The following NRP2 variants were observed in gnomAD, a reference collection of about 807,000 sequenced individuals.
The protein encoded by NRP2 is neuropilin 2.
NRP2 carries 52 observed loss-of-function variants against 110.4 expected under a neutral mutation model. That is an observed-to-expected ratio of 0.47 (90% CI 0.38 to 0.59). NRP2 has a LOEUF of 0.59. Among genes scored for constraint, NRP2 ranks in the 20% least tolerant of loss-of-function variants. The probability of loss-of-function intolerance (pLI) is 0.00; values close to 1 mark genes in which losing one functional copy is unlikely to be tolerated. For synonymous variants in NRP2, 508 were observed against 468.9 expected, an observed-to-expected ratio of 1.08 and a Z score of -1.08; for missense variants, 1,049 against 1,203.0, an observed-to-expected ratio of 0.87 and a Z score of 1.89.
At chr2:205,775,425 G>A (rs1416378016) in intron 15 of NRP2, among the ~76,000 whole-genome samples, 1 of 152,122 alleles carries the variant, frequency 6.6e-6, no homozygotes, top group South Asian at 2.1e-4. Flanking sequence ...TGTCTTTTCT[G>A]TCATTAAGAA....
chr2:205,760,304 G>A (rs1051858093), intron 12 of NRP2, among the ~76,000 whole-genome samples: 6 of 152,094 alleles, frequency 3.9e-5, no homozygotes, highest in Non-Finnish European at 7.4e-5. Context: ...AGTGACAGGC[G>A]CTTTGCAGCT....
At chr2:205,701,920 G>A (rs1345201183) in intron 2 of NRP2, among the ~76,000 whole-genome samples, 3 of 152,156 alleles carry the variant, frequency 2.0e-5, no homozygotes, top group Non-Finnish European at 2.9e-5. Flanking sequence ...AATGATTCAG[G>A]CTTTTAATTC....
intron 13 of NRP2, 100 bp from the exon 14 acceptor site, chr2:205,765,374 A>C: frequency 1.1e-6 from 1 of 944,686 alleles, no homozygotes; most frequent in Admixed American, 1.7e-5. Context: ...ACACATACAC[A>C]CACACGCTTT....
Position 205,743,282 on chromosome 2 carries a change from A to G in NRP2, c.1371A>G (p.Glu457=), listed in dbSNP as rs752624992. 5 of 1,614,084 alleles carry G rather than the reference A, an allele frequency of 3.1e-6. No homozygotes were observed. Among genetic ancestry groups the G allele is most frequent in the Non-Finnish European group, 4.2e-6 (5 of 1,179,962 alleles). ...AGATCTCCGCCTCTTCCACCCAGGAATACCTCTGGAGCCCCAGTGCAGCCC... is the reference window on the plus strand; with the variant it reads ...AGATCTCCGCCTCTTCCACCCAGGAGTACCTCTGGAGCCCCAGTGCAGCCC... The part of the protein sequence containing the change: ...DSQISASSTQ[E]YLWSPSAARL... The change falls in exon 9 of 17, where the codon GAA becomes GAG. Residue 457 remains glutamate (E), a synonymous_variant. Transcript: ENST00000357785.
At position 205,690,329 on chromosome 2, in the gene NRP2, TAGTC is replaced by T. The variant is rs10592655; in HGVS notation, c.73+6969_73+6972del. ...AACAAATGGCTTAGTGATGAAGTAA[TAGTC>T]AGCATCTTCCTGGTGGTACAGATAA... On this transcript the variant is annotated intron_variant, in intron 1 of 16. Coordinates refer to ENST00000357785, the MANE Select transcript of NRP2 (RefSeq NM_003872.3). 4.3e-3 allele frequency among the ~76,000 whole-genome samples: 652 copies of T among 152,228 alleles called. 5 individuals carry two copies. Among genetic ancestry groups the T allele is most frequent in the African/African-American group, 0.015 (610 of 41,510 alleles).
chr2:205,789,352 G>A (rs765672561), intron 15 of NRP2, among the ~76,000 whole-genome samples: 10 of 152,212 alleles, frequency 6.6e-5, no homozygotes, highest in Non-Finnish European at 1.5e-4. Context: ...CGGAACTCGT[G>A]TGGGTGGTAA....
chr2:205,706,486 G>C (rs559836959), intron 2 of NRP2, among the ~76,000 whole-genome samples: 1 of 152,180 alleles, frequency 6.6e-6, no homozygotes, highest in Non-Finnish European at 1.5e-5. Context: ...TCTCAAAGTA[G>C]GAGGTTTCGT....
Position 205,697,740 on chromosome 2 carries a change from C to T in NRP2, c.251+19C>T. The T allele has an allele frequency of 1.2e-6, 2 of 1,612,860 alleles. No homozygotes were observed. The highest frequency in any genetic ancestry group is 1.7e-6 in the Non-Finnish European group (2 of 1,179,072). On this transcript the variant is annotated intron_variant, in intron 2 of 16. Coordinates refer to ENST00000357785, the MANE Select transcript of NRP2 (RefSeq NM_003872.3). ...ACTGCAAGTAAGCACCGTCCTGTCCCACTGTGTATCCCATCCATGAGATGC... is the reference window on the plus strand; with the variant it reads ...ACTGCAAGTAAGCACCGTCCTGTCCTACTGTGTATCCCATCCATGAGATGC...
chr2:205,768,334 A>C (rs757924077), intron 15 of NRP2: 2 of 152,252 alleles, frequency 1.3e-5, no homozygotes, highest in African/African-American at 2.4e-5. Flanking sequence ...TTCAGGACCC[A>C]AGGTAATGCT....
rs1559326187 is a variant in NRP2 at position 205,722,165 on chromosome 2, T to TA, written c.434-313_434-312insA. On this transcript the variant is annotated intron_variant, in intron 3 of 16. Coordinates refer to ENST00000357785, the MANE Select transcript of NRP2 (RefSeq NM_003872.3). ...GAATCCCTCTCTCTCTCTCTCTCTC[T>TA]CTCTCATACACACACACACACACAC... The TA allele has an allele frequency of 8.7e-4, 293 of 337,570 alleles. 1 individual carries two copies. The highest frequency in any genetic ancestry group is 6.4e-3 in the African/African-American group (273 of 42,984). The allele number at this position is 337,570 out of a possible 1,614,324, so 20.9% of individuals were successfully genotyped here.
chr2:205,703,507 T>C (rs560762893), intron 2 of NRP2, among the ~76,000 whole-genome samples: 6 of 152,234 alleles, frequency 3.9e-5, no homozygotes, highest in Admixed American at 3.3e-4. Flanking sequence ...CAGAGAAGGG[T>C]TTTGAAGCCA....
In NRP2 at chr2:205,752,122, G is replaced by T. The variant is rs367635445; in HGVS notation, c.1904-713G>T. 1.3e-4 allele frequency among the ~76,000 whole-genome samples: 20 copies of T among 152,148 alleles called. 1 individual carries two copies. The South Asian group carries it at 1.5e-3, about 11-fold the overall frequency. ...AAAGCATTCTCTACCTCCCGGGGTC[G>T]CAGCCTCCAGGGATTCAGCATGATG... On this transcript the variant is annotated intron_variant, in intron 11 of 16. Transcript: ENST00000357785.
rs1405593221 is a variant in NRP2 at position 205,722,312 on chromosome 2, C to T, written c.434-166C>T. 5 of 679,258 alleles carry T rather than the reference C, an allele frequency of 7.4e-6. No homozygotes were observed. The Admixed American group carries it at 8.5e-5, about 12-fold the overall frequency. The allele number at this position is 679,258 out of a possible 1,614,324, so 42.1% of individuals were successfully genotyped here. ...GCTGTGCCTCCCTAATTTATGAGGG[C>T]TTGAAACGTGCATGTGAAGAGTATG... On this transcript the variant is annotated intron_variant, in intron 3 of 16. Transcript: ENST00000357785.
At chr2:205,778,353 C>A (rs1464934047) in intron 15 of NRP2, 3 of 152,004 alleles carry the variant, frequency 2.0e-5, no homozygotes, top group Admixed American at 1.3e-4. Flanking sequence ...CGGTGCTCTC[C>A]CACTCTTACT....
chr2:205,685,230 G>A (rs550850007), intron 1 of NRP2, among the ~76,000 whole-genome samples: 2 of 152,346 alleles, frequency 1.3e-5, no homozygotes, highest in African/African-American at 2.4e-5. Flanking sequence ...GCCCAGAGGC[G>A]CGGAGTTCGG....
chr2:205,713,734 G>C lies in NRP2; in HGVS notation c.252-2459G>C, dbSNP rs574226787. 9.9e-5 allele frequency among the ~76,000 whole-genome samples: 15 copies of C among 152,236 alleles called. No individual in the cohort carries two copies. In the South Asian group the frequency reaches 3.1e-3, roughly 32 times the overall value. On this transcript the variant is annotated intron_variant, in intron 2 of 16. Coordinates refer to ENST00000357785, the MANE Select transcript of NRP2 (RefSeq NM_003872.3). Reference sequence around the variant, plus strand: ...AGTATTCCATTTTATAAATATCCCAGATGGATTCACCCTCCCTCTACGGTT... The same window carrying C: ...AGTATTCCATTTTATAAATATCCCACATGGATTCACCCTCCCTCTACGGTT...
At chr2:205,740,796 C>T (rs552127906) in intron 8 of NRP2, 133 bp downstream of exon 8, 41 of 969,160 alleles carry the variant, frequency 4.2e-5, no homozygotes, top group Middle Eastern at 6.7e-4. Flanking sequence ...TCAAGTCCTA[C>T]CAGAGTTTGT....
In NRP2 at chr2:205,710,049, G is replaced by C. The variant is rs1412979067; in HGVS notation, c.252-6144G>C. Reference sequence around the variant, plus strand: ...TAATTTTGGTAAGTCCTTCAGCCTTGTTTAAACAGAACAACTCAAAAGAGC... The same window carrying C: ...TAATTTTGGTAAGTCCTTCAGCCTTCTTTAAACAGAACAACTCAAAAGAGC... On this transcript the variant is annotated intron_variant, in intron 2 of 16. Transcript: ENST00000357785. 3.2e-4 allele frequency among the ~76,000 whole-genome samples: 48 copies of C among 152,112 alleles called. 2 individuals carry two copies. The highest frequency in any genetic ancestry group is 3.1e-3 in the Admixed American group (48 of 15,264).
Position 205,752,911 on chromosome 2 carries a change from C to T in NRP2, c.1980C>T (p.Asp660=), listed in dbSNP as rs764425677. Residue 660 remains aspartate (D), a synonymous_variant, in exon 12 of 17, where the codon GAC becomes GAT. Transcript: ENST00000357785. ...AGGAGCCCTGTGGTTGGATGTATGACCATGCCAAGTGGCTCCGGACCACCT... is the reference window on the plus strand; with the variant it reads ...AGGAGCCCTGTGGTTGGATGTATGATCATGCCAAGTGGCTCCGGACCACCT... ...FLEEPCGWMY[D]HAKWLRTTWA... is the part of the protein sequence containing the mutation. The T allele has an allele frequency of 1.9e-6, 3 of 1,614,192 alleles. No individual in the cohort carries two copies. Among genetic ancestry groups the T allele is most frequent in the Non-Finnish European group, 2.5e-6 (3 of 1,180,034 alleles).
Sources: gnomAD v4.1 joint callset for allele counts (sites outside exome capture counted in the v4.1 genomes callset) on GRCh38, gnomAD v4.1.1 for gene constraint, MANE v1.5 for transcripts, NCBI Gene and HGNC (gene_info 2026-07-23, HGNC 2026-07-21) for gene names.